HABP2: variants seen among roughly 807,000 people sequenced by gnomAD.
HABP2 encodes the protein hyaluronan binding protein 2, also known as factor VII-activating protease.
Under a neutral mutation model 66.5 loss-of-function variants are expected in HABP2, and 65 were observed. That is an observed-to-expected ratio of 0.98 (90% CI 0.80 to 1.20). The LOEUF is 1.20. Ranked by LOEUF, HABP2 falls within the 50% of genes most tolerant of loss-of-function variation. The pLI is 0.00. For synonymous variants in HABP2, 263 were observed against 253.9 expected, an observed-to-expected ratio of 1.04 and a Z score of -0.34; for missense variants, 786 against 691.0, an observed-to-expected ratio of 1.14 and a Z score of -1.54.
chr10:113,566,322 A>G (rs1478072447), intron 1 of HABP2, among the ~76,000 whole-genome samples: 1 of 152,266 alleles, frequency 6.6e-6, no homozygotes, highest in Non-Finnish European at 1.5e-5. Context: ...ATAAAACTTT[A>G]TTTACAAAAA....
In HABP2 at chr10:113,589,013, T is replaced by G. The variant is rs774153837; in HGVS notation, c.*644T>G. ...GCCTTCTTCTTTTTGACGTGCAGAA[T>G]CTCAGTGGCATCTGGGTTCACCTCC... On this transcript the variant is annotated 3_prime_UTR_variant, in exon 13 of 13. Transcript: ENST00000351270. 1.1e-5 allele frequency: 18 copies of G among 1,614,020 alleles called. No individual in the cohort carries two copies. Among genetic ancestry groups the G allele is most frequent in the Non-Finnish European group, 1.5e-5 (18 of 1,179,994 alleles).
At chr10:113,586,175 C>G (rs1052326180) in intron 12 of HABP2, among the ~76,000 whole-genome samples, 1 of 152,228 alleles carries the variant, frequency 6.6e-6, no homozygotes, top group African/African-American at 2.4e-5. Flanking sequence ...TCTAATTTAA[C>G]TCTCACAACA....
intron 6 of HABP2, 140 bp downstream of exon 6, chr10:113,578,285 G>A (rs956336184): frequency 3.3e-6 from 3 of 911,960 alleles, no homozygotes; most frequent in Middle Eastern, 2.4e-4. Context: ...AAAGGGATAG[G>A]GCGTGTCTGG....
intron 10 of HABP2, 133 bp from the exon 11 acceptor site, chr10:113,584,015 C>G: frequency 1.5e-6 from 1 of 677,674 alleles, no homozygotes; most frequent in Non-Finnish European, 2.6e-6. Flanking sequence ...GAAATGACCA[C>G]GGAAGAAGAT....
chr10:113,576,512 C>T (rs1278421433), intron 4 of HABP2, among the ~76,000 whole-genome samples: 1 of 152,160 alleles, frequency 6.6e-6, no homozygotes, highest in Non-Finnish European at 1.5e-5. Context: ...ACTGTGTCTG[C>T]TGCCAGTGAA....
Position 113,575,506 on chromosome 10 carries a change from G to A in HABP2, c.224-391G>A, listed in dbSNP as rs569252244. Among the ~76,000 whole-genome samples, 296 of 152,296 alleles carry A rather than the reference G, an allele frequency of 1.9e-3. 2 individuals are homozygous for A. The highest frequency in any genetic ancestry group is 6.8e-3 in the Middle Eastern group (2 of 294). The stretch of plus-strand genomic sequence containing the variant: ...TGACCTCCACCCCTGGGCACTGGAA[G>A]TAGGGGAGGTCTTCAGGCTTGTGAA... On this transcript the variant is annotated intron_variant, in intron 3 of 12. Coordinates refer to ENST00000351270, the MANE Select transcript of HABP2 (RefSeq NM_004132.5).
intron 1 of HABP2, among the ~76,000 whole-genome samples, chr10:113,561,151 C>T (rs1845093297): frequency 1.3e-5 from 2 of 152,100 alleles, no homozygotes; most frequent in Admixed American, 1.3e-4. Flanking sequence ...AGAGAAGGAG[C>T]CCGTGTCTCT....
chr10:113,558,220 C>T (rs540471237), intron 1 of HABP2, among the ~76,000 whole-genome samples: 1 of 152,354 alleles, frequency 6.6e-6, no homozygotes, highest in South Asian at 2.1e-4. Flanking sequence ...GGCTAGCAAA[C>T]CAGTTCGTTC....
intron 11 of HABP2, among the ~76,000 whole-genome samples, chr10:113,584,551 C>T (rs914188882): frequency 3.9e-5 from 6 of 152,210 alleles, no homozygotes; most frequent in Non-Finnish European, 7.3e-5. Context: ...ATTTATGGAG[C>T]TCTTGCTCCC....
At position 113,580,586 on chromosome 10, in the gene HABP2, G is replaced by C; in HGVS notation, c.741-9G>C. 6.9e-7 allele frequency: 1 copy of C among 1,450,614 alleles called. No individual in the cohort carries two copies. The highest frequency in any genetic ancestry group is 9.7e-7 in the Non-Finnish European group (1 of 1,031,120). 89.9% of individuals were successfully genotyped at this position (1,450,614 alleles called of 1,614,324 possible). On this transcript the variant is annotated splice_polypyrimidine_tract_variant and intron_variant, in intron 7 of 12. Coordinates refer to ENST00000351270, the MANE Select transcript of HABP2 (RefSeq NM_004132.5). The stretch of plus-strand genomic sequence containing the variant: ...CCTTGACTCTGAGTTGTTTTGTTTT[G>C]TATTTTAGAAACCCAGATGCGGACG...
At chr10:113,586,718 C>T (rs1375199197) in intron 12 of HABP2, among the ~76,000 whole-genome samples, 1 of 152,148 alleles carries the variant, frequency 6.6e-6, no homozygotes, top group African/African-American at 2.4e-5. Context: ...CCCAGGAACA[C>T]CTCCATTTAG....
intron 1 of HABP2, among the ~76,000 whole-genome samples, chr10:113,558,323 C>T (rs1028294294): frequency 6.6e-6 from 1 of 152,230 alleles, no homozygotes; most frequent in African/African-American, 2.4e-5. Context: ...TAAAGACTCA[C>T]CTTTTCTCTA....
Position 113,575,931 on chromosome 10 carries a change from G to C in HABP2, c.258G>C (p.Gly86=). 6.2e-7 allele frequency: 1 copy of C among 1,611,570 alleles called. No individual in the cohort carries two copies. Among genetic ancestry groups the C allele is most frequent in the Non-Finnish European group, 8.5e-7 (1 of 1,177,790 alleles). Residue 86 remains glycine, a synonymous_variant, in exon 4 of 13, where the codon GGG becomes GGC. Transcript: ENST00000351270. ...AGCCCAACCCCTGTGAACACGGTGGGGACTGCCTCGTCCATGGGAGCACCT... is the reference window on the plus strand; with the variant it reads ...AGCCCAACCCCTGTGAACACGGTGGCGACTGCCTCGTCCATGGGAGCACCT... The part of the protein sequence containing the change: ...PCQPNPCEHG[G]DCLVHGSTFT...
chr10:113,567,668 G>C, intron 2 of HABP2, 143 bp downstream of exon 2: 1 of 686,008 alleles, frequency 1.5e-6, no homozygotes, highest in South Asian at 1.6e-5. Context: ...TTGAGAACTT[G>C]CCCTCAAAAT....
At chr10:113,578,860 A>T (rs1845466927) in intron 7 of HABP2, 62 bp downstream of exon 7, 1 of 1,088,776 alleles carries the variant, frequency 9.2e-7, no homozygotes, top group African/African-American at 1.5e-5. Flanking sequence ...CAGATCATTG[A>T]AATTCATCAG....
In HABP2 at chr10:113,589,044, C is replaced by T. The variant is rs544217656; in HGVS notation, c.*675C>T. 5.0e-6 allele frequency: 8 copies of T among 1,614,102 alleles called. No homozygotes were observed. The East Asian group carries it at 1.8e-4, about 36-fold the overall frequency. On this transcript the variant is annotated 3_prime_UTR_variant, in exon 13 of 13. Coordinates refer to ENST00000351270, the MANE Select transcript of HABP2 (RefSeq NM_004132.5). ...TGGCATCTGGGTTCACCTCCCCACT[C>T]TGATGATCTCCAGCCTCCACTGCTT...
intron 12 of HABP2, among the ~76,000 whole-genome samples, chr10:113,586,487 G>A (rs868141818): frequency 1.4e-5 from 2 of 142,592 alleles, no homozygotes; most frequent in Non-Finnish European, 3.1e-5. Flanking sequence ...GGGGGGGGGG[G>A]GGTGTTTTAG....
At position 113,581,887 on chromosome 10, in the gene HABP2, C is replaced by A. The variant is rs761734013; in HGVS notation, c.850C>A (p.Pro284Thr). The A allele has an allele frequency of 1.2e-6, 2 of 1,613,998 alleles. No individual in the cohort carries two copies. The highest frequency in any genetic ancestry group is 4.5e-5 in the East Asian group (2 of 44,886). The change falls in exon 9 of 13, where the codon CCA becomes ACA. Residue 284 changes from proline to threonine, a missense_variant. Pro to Thr is a conservative substitution (Grantham distance 38). Coordinates refer to ENST00000351270, the MANE Select transcript of HABP2 (RefSeq NM_004132.5). The stretch of plus-strand genomic sequence containing the variant: ...CTTGTGTCCCACAGACGTTGCCTAC[C>A]CAGAGGAAAGCCCCACTGAGCCATC... The part of the protein sequence containing the change: ...SACSAQDVAY[P>T]EESPTEPSTK...
chr10:113,567,636 T>C (rs1447165419), intron 2 of HABP2, 111 bp downstream of exon 2: 8 of 799,938 alleles, frequency 1.0e-5, no homozygotes, highest in Non-Finnish European at 1.7e-5. Context: ...GTTCAACTGG[T>C]TCCAGGTTGT....
Sources: gnomAD v4.1 joint callset for allele counts (sites outside exome capture counted in the v4.1 genomes callset) on GRCh38, gnomAD v4.1.1 for gene constraint, MANE v1.5 for transcripts, NCBI Gene and HGNC (gene_info 2026-07-23, HGNC 2026-07-21) for gene names.